STRN: variants seen among roughly 807,000 people sequenced by gnomAD.
STRN encodes the protein protein phosphatase 2 regulatory subunit B'''alpha.
Under a neutral mutation model 96.3 loss-of-function variants are expected in STRN, and 53 were observed. The observed-to-expected ratio is 0.55, with a 90% CI of 0.44 to 0.69. The LOEUF is 0.69. Ranked by LOEUF, STRN falls within the 30% of genes least tolerant of loss-of-function variation. The pLI is 0.00. For synonymous variants in STRN, 428 were observed against 355.9 expected, an observed-to-expected ratio of 1.20 and a Z score of -2.28; for missense variants, 987 against 963.9, an observed-to-expected ratio of 1.02 and a Z score of -0.32.
At chr2:36,906,858 T>G (rs887750956) in intron 3 of STRN, among the ~76,000 whole-genome samples, 1 of 151,668 alleles carries the variant, frequency 6.6e-6, no homozygotes, top group Non-Finnish European at 1.5e-5. Context: ...GAAGCGGAGG[T>G]TGCAGTGAGC....
At position 36,938,327 on chromosome 2, in the gene STRN, G is replaced by A. The variant is rs542713131; in HGVS notation, c.235-13119C>T. On this transcript the variant is annotated intron_variant, in intron 1 of 17. Transcript: ENST00000263918. ...TGTAATCACAGCTACTTGGGAGGCT[G>A]AGGCACAAGAATTGCTTGAATCTGG... Among the ~76,000 whole-genome samples the A allele has an allele frequency of 3.3e-5, 5 of 152,112 alleles. No homozygotes were observed. In the South Asian group the frequency reaches 8.3e-4, roughly 25 times the overall value.
chr2:36,936,553 G>T (rs7578609), intron 1 of STRN, among the ~76,000 whole-genome samples: 12,118 of 152,148 alleles, frequency 0.08, 648 homozygotes, highest in South Asian at 0.14. Flanking sequence ...TCAAAATTTT[G>T]TAATATATTG....
intron 9 of STRN, among the ~76,000 whole-genome samples, chr2:36,881,811 C>A (rs780142550): frequency 4.6e-5 from 7 of 152,148 alleles, no homozygotes; most frequent in Admixed American, 2.0e-4. Flanking sequence ...GAGATGAAAT[C>A]TGATAAACTT....
intron 1 of STRN, among the ~76,000 whole-genome samples, chr2:36,955,347 T>C (rs943681890): frequency 1.3e-5 from 2 of 152,120 alleles, no homozygotes; most frequent in Admixed American, 1.3e-4. Context: ...TGAGGTAAAA[T>C]ATTCTTAGTC....
At chr2:36,868,866 C>T (rs1668694403) in intron 11 of STRN, among the ~76,000 whole-genome samples, 2 of 149,730 alleles carry the variant, frequency 1.3e-5, no homozygotes, top group African/African-American at 4.9e-5. Context: ...CTGGCAGATG[C>T]TGGTTCTTTT....
At chr2:36,910,192 A>C (rs1433300823) in intron 3 of STRN, among the ~76,000 whole-genome samples, 2 of 148,560 alleles carry the variant, frequency 1.3e-5, no homozygotes, top group African/African-American at 5.0e-5. Flanking sequence ...AAAAAAAAAA[A>C]GACTTTTTCA....
intron 1 of STRN, among the ~76,000 whole-genome samples, chr2:36,942,100 G>C (rs1165009378): frequency 6.6e-6 from 1 of 152,104 alleles, no homozygotes; most frequent in Non-Finnish European, 1.5e-5. Context: ...TGCTGGGAAT[G>C]GGGAAAAGAC....
intron 1 of STRN, among the ~76,000 whole-genome samples, chr2:36,951,113 T>G (rs1572697339): frequency 6.6e-6 from 1 of 152,188 alleles, no homozygotes; most frequent in African/African-American, 2.4e-5. Context: ...TGTAAAAAAC[T>G]TGAAGGCATA....
At chr2:36,897,022 C>T (rs1438827967) in intron 6 of STRN, among the ~76,000 whole-genome samples, 1 of 151,964 alleles carries the variant, frequency 6.6e-6, no homozygotes, top group Non-Finnish European at 1.5e-5. Context: ...ACAGCATCAG[C>T]CGGGTGTGGT....
intron 4 of STRN, among the ~76,000 whole-genome samples, chr2:36,903,751 T>A (rs764527499): frequency 1.3e-5 from 2 of 152,204 alleles, no homozygotes; most frequent in Non-Finnish European, 2.9e-5. Flanking sequence ...TCTTACCAAA[T>A]CAAGATGCTC....
chr2:36,905,961 G>C (rs1347091757), intron 3 of STRN, among the ~76,000 whole-genome samples: 1 of 152,096 alleles, frequency 6.6e-6, no homozygotes, highest in Non-Finnish European at 1.5e-5. Flanking sequence ...TAGCACATCA[G>C]AACTAGAACA....
intron 7 of STRN, among the ~76,000 whole-genome samples, chr2:36,889,878 G>C (rs1462211930): frequency 6.6e-6 from 1 of 152,148 alleles, no homozygotes; most frequent in African/African-American, 2.4e-5. Flanking sequence ...AGACAACTCA[G>C]TTGTGAGAAC....
At chr2:36,881,807 A>ATCAT (rs1382713027) in intron 9 of STRN, among the ~76,000 whole-genome samples, 1 of 152,238 alleles carries the variant, frequency 6.6e-6, no homozygotes, top group Non-Finnish European at 1.5e-5. Flanking sequence ...GCCTGAGATG[A>ATCAT]AATCTGATAA....
At chr2:36,924,857 G>A (rs112496592) in intron 2 of STRN, among the ~76,000 whole-genome samples, 1 of 152,178 alleles carries the variant, frequency 6.6e-6, no homozygotes, top group Admixed American at 6.5e-5. Flanking sequence ...AGGAATTCGA[G>A]ACCAGCCTGA....
intron 10 of STRN, among the ~76,000 whole-genome samples, chr2:36,870,335 A>G (rs1013959723): frequency 9.2e-5 from 14 of 151,978 alleles, no homozygotes; most frequent in Non-Finnish European, 1.9e-4. Flanking sequence ...TTCCAATTAC[A>G]TAACAGAAAA....
chr2:36,892,810 T>A lies in STRN; in HGVS notation c.931+1088A>T, dbSNP rs370373811. The stretch of plus-strand genomic sequence containing the variant: ...CCGAGGCAGGCAGATCACCTGATGT[T>A]AGGAATTCGAGACCAGCCTGGCCAA... On this transcript the variant is annotated intron_variant, in intron 7 of 17. Coordinates refer to ENST00000263918, the MANE Select transcript of STRN (RefSeq NM_003162.4). Among the ~76,000 whole-genome samples, 18 of 152,140 alleles carry A rather than the reference T, an allele frequency of 1.2e-4. No homozygotes were observed. In the East Asian group the frequency reaches 1.9e-3, roughly 16 times the overall value.
At chr2:36,934,284 A>G (rs2148244137) in intron 1 of STRN, among the ~76,000 whole-genome samples, 1 of 152,296 alleles carries the variant, frequency 6.6e-6, no homozygotes, top group South Asian at 2.1e-4. Flanking sequence ...CTCCAACCTG[A>G]GCAAAAAGGA....
At chr2:36,960,922 G>A (rs1224021432) in intron 1 of STRN, among the ~76,000 whole-genome samples, 2 of 151,656 alleles carry the variant, frequency 1.3e-5, no homozygotes, top group Admixed American at 6.6e-5. Flanking sequence ...TCTGAGACAG[G>A]GCCTCACTCT....
intron 10 of STRN, among the ~76,000 whole-genome samples, chr2:36,875,427 G>C (rs568751685): frequency 7.2e-6 from 1 of 139,842 alleles, no homozygotes; most frequent in Non-Finnish European, 1.5e-5. Flanking sequence ...GATGGCTTAA[G>C]CCTAGAAGGT....
Sources: allele counts gnomAD v4.1 joint callset (sites outside exome capture counted in the v4.1 genomes callset), GRCh38; gene constraint gnomAD v4.1.1; transcripts MANE v1.5; gene names NCBI Gene and HGNC (gene_info 2026-07-23, HGNC 2026-07-21).